Variants in CSMD2 observed in about 807,000 individuals in gnomAD.
CSMD2 encodes CUB and sushi domain-containing protein 2.
A neutral mutation model predicts 398.5 loss-of-function variants in CSMD2; 130 were observed. That is an observed-to-expected ratio of 0.33 (90% CI 0.28 to 0.38). CSMD2 has a LOEUF of 0.38. Among genes scored for constraint, CSMD2 ranks in the 10% least tolerant of loss-of-function variants. CSMD2 has a pLI of 1.00. For missense variants in CSMD2, 3,829 were observed against 4,764.9 expected (o/e 0.80, Z 5.78); for synonymous variants, 1,828 against 1,908.5 (o/e 0.96, Z 1.10).
intron 1 of CSMD2, among the ~76,000 whole-genome samples, chr1:34,107,039 CTTA>C (rs1660593668): frequency 6.6e-6 from 1 of 152,124 alleles, no homozygotes; most frequent in African/African-American, 2.4e-5. Context: ...TTTACTGATT[CTTA>C]TTATGCCACA....
At chr1:33,730,262 A>T (rs145992169) in intron 15 of CSMD2, among the ~76,000 whole-genome samples, 1 of 152,332 alleles carries the variant, frequency 6.6e-6, no homozygotes, top group Non-Finnish European at 1.5e-5. Context: ...AGGCATACAC[A>T]CATATTCACT....
At chr1:34,057,396 C>T (rs1036640381) in intron 2 of CSMD2, among the ~76,000 whole-genome samples, 3 of 152,148 alleles carry the variant, frequency 2.0e-5, no homozygotes, top group Non-Finnish European at 4.4e-5. Context: ...CTGAGCCTCT[C>T]GCTGTTTCTA....
At chr1:33,570,886 T>C (rs1013295474) in intron 51 of CSMD2, among the ~76,000 whole-genome samples, 9 of 152,202 alleles carry the variant, frequency 5.9e-5, no homozygotes, top group South Asian at 2.1e-4. Flanking sequence ...TCATGGATAC[T>C]GCATCAGAGC....
At chr1:33,959,721 T>C (rs984996060) in intron 3 of CSMD2, among the ~76,000 whole-genome samples, 3 of 152,142 alleles carry the variant, frequency 2.0e-5, no homozygotes, top group African/African-American at 7.2e-5. Context: ...GCTTCACATC[T>C]TTCAGGTCTC....
intron 5 of CSMD2, among the ~76,000 whole-genome samples, chr1:33,879,554 AC>A (rs149498983): frequency 0.028 from 4,326 of 152,216 alleles, 132 homozygotes; most frequent in East Asian, 0.074. Flanking sequence ...ATTCCCTTAG[AC>A]TTTGCCTTCC....
rs1452783410 is a variant in CSMD2 at position 33,714,692 on chromosome 1, A to G, written c.3301T>C (p.Leu1101=). ...TACCCGGGGAAGCAGGAGAAGGTCA[A>G]GGTGTCGCCCACGCCAAACTGCAAG... ...KGLQFGVGDT[L]TFSCFPGYRL... The change falls in exon 21 of 71, where the codon TTG becomes CTG. Residue 1101 remains leucine (L), a synonymous_variant. Coordinates refer to ENST00000373381, the MANE Select transcript of CSMD2 (RefSeq NM_001281956.2). 2.5e-6 allele frequency: 4 copies of G among 1,614,098 alleles called. No individual in the cohort carries two copies. The South Asian group carries it at 4.4e-5, about 18-fold the overall frequency.
chr1:33,890,738 G>A (rs1471795154), intron 5 of CSMD2, among the ~76,000 whole-genome samples: 2 of 151,504 alleles, frequency 1.3e-5, no homozygotes, highest in East Asian at 1.9e-4. Flanking sequence ...CAGAAATAAC[G>A]CTGCATATCT....
chr1:33,653,066 A>C (rs761339839), intron 27 of CSMD2, among the ~76,000 whole-genome samples: 1 of 152,160 alleles, frequency 6.6e-6, no homozygotes, highest in Non-Finnish European at 1.5e-5. Context: ...CTAATAAATT[A>C]TTCTTTAAAA....
At chr1:33,590,949 G>T (rs184037225) in intron 44 of CSMD2, among the ~76,000 whole-genome samples, 39 of 147,450 alleles carry the variant, frequency 2.6e-4, no homozygotes, top group Admixed American at 1.4e-3. Context: ...TGGGTGTGCT[G>T]AATTGGCCTT....
intron 1 of CSMD2, among the ~76,000 whole-genome samples, chr1:34,147,438 G>A (rs529727161): frequency 2.2e-4 from 33 of 151,074 alleles, no homozygotes; most frequent in African/African-American, 8.0e-4. Flanking sequence ...CTTGGCTGTG[G>A]CCAGACTGTG....
chr1:34,058,382 AATG>A (rs200658116), intron 2 of CSMD2, among the ~76,000 whole-genome samples: 1 of 151,950 alleles, frequency 6.6e-6, no homozygotes, highest in Non-Finnish European at 1.5e-5. Context: ...AAGGGCTTGA[AATG>A]ATGATGATGA....
intron 25 of CSMD2, among the ~76,000 whole-genome samples, chr1:33,667,685 C>A (rs973480834): frequency 2.0e-5 from 3 of 152,154 alleles, no homozygotes; most frequent in Non-Finnish European, 2.9e-5. Flanking sequence ...TTCGGCTTAG[C>A]TGATCTGATA....
intron 7 of CSMD2, among the ~76,000 whole-genome samples, chr1:33,823,889 T>C (rs969668851): frequency 6.6e-6 from 1 of 152,198 alleles, no homozygotes; most frequent in Non-Finnish European, 1.5e-5. Context: ...GTTTTTGGCA[T>C]CTTCTTAGTC....
chr1:33,543,309 A>G (rs944992638), intron 57 of CSMD2, among the ~76,000 whole-genome samples: 1 of 152,256 alleles, frequency 6.6e-6, no homozygotes, highest in Non-Finnish European at 1.5e-5. Context: ...TTGAACCCAG[A>G]GATGATTATT....
At position 33,743,364 on chromosome 1, in the gene CSMD2, T is replaced by C. The variant is rs543686945; in HGVS notation, c.2089A>G (p.Ile697Val). The C allele has an allele frequency of 1.9e-6, 3 of 1,614,074 alleles. No homozygotes were observed. The highest frequency in any genetic ancestry group is 1.7e-4 in the Middle Eastern group (1 of 6,060). ...TFSGNQLPSS[I>V]TSSGHVARLE... The stretch of plus-strand genomic sequence containing the variant: ...CGGGCCACGTGGCCACTGCTTGTGA[T>C]GGAGGAGGGAAGCTGGTTTCCTGAG... The change falls in exon 14 of 71, where the codon ATC (isoleucine) becomes GTC (valine). Residue 697 changes from isoleucine to valine, a missense_variant. Ile to Val is a conservative substitution (Grantham distance 29, BLOSUM62 3). Coordinates refer to ENST00000373381, the MANE Select transcript of CSMD2 (RefSeq NM_001281956.2).
chr1:34,055,061 A>T (rs945100509), intron 2 of CSMD2, among the ~76,000 whole-genome samples: 3 of 152,208 alleles, frequency 2.0e-5, no homozygotes, highest in Admixed American at 1.3e-4. Context: ...GCCCCTGGGT[A>T]GCTCTGCCTC....
In CSMD2 at chr1:33,587,121, C is replaced by T. The variant is rs141990833; in HGVS notation, c.6904G>A (p.Glu2302Lys). The T allele has an allele frequency of 2.8e-5, 45 of 1,609,818 alleles. No individual in the cohort carries two copies. Among genetic ancestry groups the T allele is most frequent in the Middle Eastern group, 1.6e-4 (1 of 6,084 alleles). ...CPPPTILPNA[E>K]VVTENEEFNI... The stretch of plus-strand genomic sequence containing the variant: ...AATTCTTCATTCTCTGTGACGACTT[C>T]GGCGTTGGGGAGGATGGTGGGAGGA... The change falls in exon 45 of 71, where the codon GAA (glutamate) becomes AAA (lysine). Residue 2302 changes from glutamate (E) to lysine (K), a missense_variant. Transcript: ENST00000373381.
At chr1:33,783,491 C>A (rs77856276) in intron 12 of CSMD2, among the ~76,000 whole-genome samples, 1 of 150,454 alleles carries the variant, frequency 6.6e-6, no homozygotes, top group African/African-American at 2.5e-5. Context: ...TGTGCATGCA[C>A]CCAGGAAAGC....
chr1:33,886,910 G>C (rs964921257), intron 5 of CSMD2, among the ~76,000 whole-genome samples: 1 of 152,116 alleles, frequency 6.6e-6, no homozygotes, highest in African/African-American at 2.4e-5. Context: ...TTCTCACTCA[G>C]CCTTCAGCAT....
Sources: allele counts gnomAD v4.1 joint callset (sites outside exome capture counted in the v4.1 genomes callset), GRCh38; gene constraint gnomAD v4.1.1; transcripts MANE v1.5; gene names NCBI Gene and HGNC (gene_info 2026-07-23, HGNC 2026-07-21).